Variants in MNAT1 observed in about 807,000 individuals in gnomAD.
The protein encoded by MNAT1 is MNAT1 component of CDK activating kinase.
A neutral mutation model predicts 42.0 loss-of-function variants in MNAT1; 43 were observed. The observed-to-expected ratio is 1.02, with a 90% CI of 0.80 to 1.32. MNAT1 has a LOEUF of 1.32. Ranked by LOEUF, MNAT1 falls within the 40% of genes most tolerant of loss-of-function variation. The pLI is 0.00. For missense variants in MNAT1, 306 were observed against 350.4 expected, an observed-to-expected ratio of 0.87 and a Z score of 1.01; for synonymous variants, 118 against 120.0, an observed-to-expected ratio of 0.98 and a Z score of 0.11.
chr14:60,813,081 C>T (rs1487893957), intron 5 of MNAT1, among the ~76,000 whole-genome samples: 2 of 152,220 alleles, frequency 1.3e-5, no homozygotes, highest in African/African-American at 4.8e-5. Context: ...AGCACTGTAA[C>T]ACTTCCCCTG....
intron 1 of MNAT1, among the ~76,000 whole-genome samples, chr14:60,793,093 A>G (rs2031881137): frequency 6.6e-6 from 1 of 151,528 alleles, no homozygotes; most frequent in South Asian, 2.1e-4. Context: ...ATCACAGCAC[A>G]CTGCAGCCTC....
intron 7 of MNAT1, among the ~76,000 whole-genome samples, chr14:60,897,644 G>T (rs1298409579): frequency 6.6e-6 from 1 of 151,926 alleles, no homozygotes; most frequent in East Asian, 1.9e-4. Flanking sequence ...TATTTATGGG[G>T]TACATGTGAA....
Position 60,968,841 on chromosome 14 carries a change from A to T in MNAT1, c.*492A>T, listed in dbSNP as rs1426567220. ...TTAATACTAGTCCAGACAAGTGGAT[A>T]TATTTCCTTTGACCAAGTTATGGCA... On this transcript the variant is annotated 3_prime_UTR_variant, in exon 8 of 8. Coordinates refer to ENST00000261245, the MANE Select transcript of MNAT1 (RefSeq NM_002431.4). The T allele has an allele frequency of 4.4e-6, 1 of 229,768 alleles. No individual in the cohort carries two copies. The highest frequency in any genetic ancestry group is 8.5e-6 in the Non-Finnish European group (1 of 118,136). The allele number at this position is 229,768 out of a possible 1,614,324, so 14.2% of individuals were successfully genotyped here. A position where few individuals can be genotyped will look rare whatever the true frequency, so the allele number is the denominator to read the frequency against.
chr14:60,787,998 A>G (rs539006065), intron 1 of MNAT1, among the ~76,000 whole-genome samples: 22 of 152,168 alleles, frequency 1.4e-4, no homozygotes, highest in Non-Finnish European at 2.5e-4. Context: ...TCTTAATGGC[A>G]TCTAGAATGG....
At chr14:60,900,762 A>C (rs1303347269) in intron 7 of MNAT1, among the ~76,000 whole-genome samples, 1 of 152,088 alleles carries the variant, frequency 6.6e-6, no homozygotes, top group Non-Finnish European at 1.5e-5. Flanking sequence ...CTCTCATTCC[A>C]GGATTTTGGG....
chr14:60,902,700 A>G (rs1231112735), intron 7 of MNAT1, among the ~76,000 whole-genome samples: 1 of 152,136 alleles, frequency 6.6e-6, no homozygotes, highest in Non-Finnish European at 1.5e-5. Flanking sequence ...ATCAGAGAAG[A>G]ATGGGCATTT....
chr14:60,941,179 A>T lies in MNAT1; in HGVS notation c.810-27050A>T, dbSNP rs558397873. ...GGTGAATTTAACAGATCAAAAATTC[A>T]TTTAATTGTATTACTGTTTTGTTCC... On this transcript the variant is annotated intron_variant, in intron 7 of 7. Transcript: ENST00000261245. Among the ~76,000 whole-genome samples the T allele has an allele frequency of 3.3e-5, 5 of 152,326 alleles. No homozygotes were observed. In the East Asian group the frequency reaches 9.6e-4, roughly 29 times the overall value.
At chr14:60,742,351 G>A (rs907432210) in intron 1 of MNAT1, among the ~76,000 whole-genome samples, 8 of 152,054 alleles carry the variant, frequency 5.3e-5, no homozygotes, top group African/African-American at 1.9e-4. Flanking sequence ...GCCTCCCAAA[G>A]TTCTGGGATT....
intron 7 of MNAT1, among the ~76,000 whole-genome samples, chr14:60,908,066 C>A (rs1328483843): frequency 6.6e-6 from 1 of 151,968 alleles, no homozygotes; most frequent in African/African-American, 2.4e-5. Context: ...GTAAAAACAA[C>A]CAATTTTAAT....
At chr14:60,905,338 A>C (rs893619595) in intron 7 of MNAT1, among the ~76,000 whole-genome samples, 1 of 152,216 alleles carries the variant, frequency 6.6e-6, no homozygotes, top group East Asian at 1.9e-4. Context: ...ATAACAGTAC[A>C]TTATTGAATA....
rs1466490596 is a variant in MNAT1 at position 60,969,492 on chromosome 14, G to T, written c.*1143G>T. On this transcript the variant is annotated 3_prime_UTR_variant, in exon 8 of 8. Transcript: ENST00000261245. ...TTAGCAATACATCTTCATCTTTATT[G>T]TACTTCTATCTTTGTTAAATGAGAA... The T allele has an allele frequency of 1.3e-5, 2 of 152,100 alleles. No homozygotes were observed. The highest frequency in any genetic ancestry group is 1.9e-4 in the East Asian group (1 of 5,172). 9.4% of individuals were successfully genotyped at this position (152,100 alleles called of 1,614,324 possible).
chr14:60,853,769 T>C (rs1594804177), intron 6 of MNAT1, among the ~76,000 whole-genome samples: 1 of 152,358 alleles, frequency 6.6e-6, no homozygotes, highest in African/African-American at 2.4e-5. Context: ...GTATTGAATT[T>C]TGTTGAAGGC....
intron 7 of MNAT1, among the ~76,000 whole-genome samples, chr14:60,905,760 C>T (rs775968167): frequency 6.6e-6 from 1 of 151,796 alleles, no homozygotes; most frequent in Non-Finnish European, 1.5e-5. Flanking sequence ...ACACTTCCTT[C>T]GTTTTTTTGC....
Position 60,734,986 on chromosome 14 carries a change from G to A in MNAT1, c.89+35G>A. 2 of 1,602,126 alleles carry A rather than the reference G, an allele frequency of 1.2e-6. No homozygotes were observed. The highest frequency in any genetic ancestry group is 2.2e-5 in the East Asian group (1 of 44,812). ...GCGGCAGTGGATTCCCTGGGGGAGA[G>A]ACGCGCTGGGTGGGAGGAGAGGACC... On this transcript the variant is annotated intron_variant, in intron 1 of 7. Coordinates refer to ENST00000261245, the MANE Select transcript of MNAT1 (RefSeq NM_002431.4). This position sits in a 1 kb window ranked among gnomAD's most constrained non-coding sequence, Gnocchi z 4.3.
chr14:60,798,531 C>A (rs2032094308), intron 3 of MNAT1, among the ~76,000 whole-genome samples: 1 of 152,068 alleles, frequency 6.6e-6, no homozygotes, highest in South Asian at 2.1e-4. Context: ...TTTATAGTGA[C>A]TAAAGCCATA....
At chr14:60,840,503 C>G (rs1275500788) in intron 6 of MNAT1, among the ~76,000 whole-genome samples, 1 of 152,180 alleles carries the variant, frequency 6.6e-6, no homozygotes, top group Non-Finnish European at 1.5e-5. Flanking sequence ...TGGCTGGAAG[C>G]AGCCCATGGG....
chr14:60,889,051 C>A (rs2034762973), intron 7 of MNAT1, among the ~76,000 whole-genome samples: 1 of 149,162 alleles, frequency 6.7e-6, no homozygotes, highest in South Asian at 2.2e-4. Context: ...TCAATGCCAT[C>A]CCCATCAAGC....
intron 6 of MNAT1, among the ~76,000 whole-genome samples, chr14:60,855,160 C>T (rs1248544528): frequency 1.3e-5 from 2 of 152,156 alleles, no homozygotes; most frequent in African/African-American, 4.8e-5. Flanking sequence ...GATACCTCTC[C>T]CCGCACCAAG....
intron 1 of MNAT1, among the ~76,000 whole-genome samples, chr14:60,741,729 A>G (rs1281702088): frequency 7.2e-6 from 1 of 138,136 alleles, no homozygotes; most frequent in African/African-American, 2.7e-5. Context: ...GCTGGTCTCA[A>G]ACGCCTGAGC....
Sources: gnomAD v4.1 joint callset for allele counts (sites outside exome capture counted in the v4.1 genomes callset) on GRCh38, gnomAD v4.1.1 for gene constraint, Gnocchi (gnomAD v3.1) non-coding constraint, MANE v1.5 for transcripts, NCBI Gene and HGNC (gene_info 2026-07-23, HGNC 2026-07-21) for gene names.